Variants in MITF observed in about 807,000 individuals in gnomAD.
MITF encodes the protein microphthalmia-associated transcription factor.
A neutral mutation model predicts 60.5 loss-of-function variants in MITF; 17 were observed. The ratio of observed to expected loss-of-function variants is 0.28; its 90% CI spans 0.19 to 0.42. The LOEUF (loss-of-function observed/expected upper bound fraction) is 0.42. Among genes scored for constraint, MITF ranks in the 10% least tolerant of loss-of-function variants. The probability of loss-of-function intolerance (pLI) is 1.00; values close to 1 mark genes in which losing one functional copy is unlikely to be tolerated. For missense variants in MITF, 622 were observed against 683.5 expected (o/e 0.91, Z 1.00); for synonymous variants, 260 against 248.5 (o/e 1.05, Z -0.43).
chr3:69,791,437 T>TTAA (rs2062738501), intron 1 of MITF, among the ~76,000 whole-genome samples: 1 of 152,172 alleles, frequency 6.6e-6, no homozygotes, highest in East Asian at 1.9e-4. Flanking sequence ...TAGTACTGGA[T>TTAA]TAATAGTATG....
intron 1 of MITF, among the ~76,000 whole-genome samples, chr3:69,751,781 T>C (rs913849884): frequency 2.6e-5 from 4 of 152,164 alleles, no homozygotes; most frequent in African/African-American, 9.7e-5. Context: ...GGTTTGGATC[T>C]GTGTCTCTAC....
At chr3:69,846,179 A>G (rs2063730188) in intron 1 of MITF, among the ~76,000 whole-genome samples, 2 of 42,408 alleles carry the variant, frequency 4.7e-5, no homozygotes. Context: ...TGAGAGATCT[A>G]AATTAAATGA....
intron 1 of MITF, among the ~76,000 whole-genome samples, chr3:69,774,041 A>G (rs1477397957): frequency 6.6e-6 from 1 of 152,204 alleles, no homozygotes; most frequent in Non-Finnish European, 1.5e-5. Flanking sequence ...AAATGGTGTT[A>G]ATGGCAGAAA....
chr3:69,818,294 A>G (rs957181319), intron 1 of MITF, among the ~76,000 whole-genome samples: 3 of 152,054 alleles, frequency 2.0e-5, no homozygotes, highest in Non-Finnish European at 4.4e-5. Flanking sequence ...CTGTTATCCA[A>G]CTATACTAGA....
chr3:69,835,692 A>G (rs1266491056), intron 1 of MITF, among the ~76,000 whole-genome samples: 1 of 152,138 alleles, frequency 6.6e-6, no homozygotes, highest in African/African-American at 2.4e-5. Context: ...TCTTCCGCAT[A>G]TGAATATCTG....
At chr3:69,957,892 T>C (rs976951507) in intron 8 of MITF, among the ~76,000 whole-genome samples, 1 of 152,204 alleles carries the variant, frequency 6.6e-6, no homozygotes, top group Non-Finnish European at 1.5e-5. Context: ...ACACCAGGTT[T>C]CTAGAATGTG....
At chr3:69,762,965 A>G (rs146957027) in intron 1 of MITF, among the ~76,000 whole-genome samples, 2 of 152,294 alleles carry the variant, frequency 1.3e-5, no homozygotes, top group African/African-American at 4.8e-5. Flanking sequence ...CTTGCCAGCA[A>G]TCCTCAGTCG....
chr3:69,956,254 C>G (rs1269415219), intron 7 of MITF, among the ~76,000 whole-genome samples: 5 of 152,070 alleles, frequency 3.3e-5, no homozygotes, highest in Non-Finnish European at 1.5e-5. Flanking sequence ...TCGTCTGTAT[C>G]TAAGGGCTTT....
At chr3:69,829,337 C>G (rs9864805) in intron 1 of MITF, among the ~76,000 whole-genome samples, 3 of 151,854 alleles carry the variant, frequency 2.0e-5, no homozygotes, top group Non-Finnish European at 4.4e-5. Flanking sequence ...ATTCTATAGG[C>G]GTGAATTTTG....
intron 1 of MITF, chr3:69,838,619 G>T (rs562616980): frequency 6.6e-4 from 101 of 152,744 alleles, no homozygotes; most frequent in African/African-American, 2.3e-3. Flanking sequence ...CAGCCTATAG[G>T]ATGGCTTCCC....
At chr3:69,837,547 TC>T (rs1290495164) in intron 1 of MITF, among the ~76,000 whole-genome samples, 2 of 152,210 alleles carry the variant, frequency 1.3e-5, no homozygotes, top group Non-Finnish European at 2.9e-5. Flanking sequence ...AAATTTCCAA[TC>T]ATAAACATTT....
chr3:69,781,241 T>G (rs997871329), intron 1 of MITF, among the ~76,000 whole-genome samples: 1 of 152,212 alleles, frequency 6.6e-6, no homozygotes, highest in Admixed American at 6.5e-5. Flanking sequence ...GAGCATGTTC[T>G]TTTCAAATAC....
At chr3:69,816,719 G>A (rs902512850) in intron 1 of MITF, among the ~76,000 whole-genome samples, 10 of 152,194 alleles carry the variant, frequency 6.6e-5, no homozygotes, top group African/African-American at 2.2e-4. Flanking sequence ...AATTCATAGG[G>A]GTTTATGAGC....
rs529626569 is a variant in MITF at position 69,928,476 on chromosome 3, A to G, written c.355-9346A>G. Among the ~76,000 whole-genome samples the G allele has an allele frequency of 3.3e-5, 5 of 152,302 alleles. No homozygotes were observed. In the South Asian group the frequency reaches 1.0e-3, roughly 32 times the overall value. On this transcript the variant is annotated intron_variant, in intron 2 of 9. Coordinates refer to ENST00000352241, the MANE Select transcript of MITF (RefSeq NM_001354604.2). ...AAAGTCTTCAGGAATCAGACGGGTT[A>G]ATGAATAAAGTAGTCCAGTTGTCAG...
chr3:69,803,857 T>A (rs1377932462), intron 1 of MITF, among the ~76,000 whole-genome samples: 1 of 152,072 alleles, frequency 6.6e-6, no homozygotes, highest in South Asian at 2.1e-4. Flanking sequence ...CAAATTTTCC[T>A]GTAGTGAGGA....
chr3:69,853,836 A>T (rs2063867451), intron 1 of MITF, among the ~76,000 whole-genome samples: 1 of 147,392 alleles, frequency 6.8e-6, no homozygotes, highest in African/African-American at 2.5e-5. Context: ...TGTTAATATT[A>T]TTCCTCAGTT....
chr3:69,940,807 CAGTTT>C, intron 4 of MITF, among the ~76,000 whole-genome samples: 1 of 152,310 alleles, frequency 6.6e-6, no homozygotes, highest in East Asian at 1.9e-4. Context: ...TTAGGGCAGG[CAGTTT>C]AGCATAGTTG....
At chr3:69,853,603 T>C (rs1450588346) in intron 1 of MITF, among the ~76,000 whole-genome samples, 1 of 152,140 alleles carries the variant, frequency 6.6e-6, no homozygotes, top group African/African-American at 2.4e-5. Context: ...TCCTCTTTAC[T>C]CCCTACCTAG....
At chr3:69,774,779 G>A (rs756062456) in intron 1 of MITF, among the ~76,000 whole-genome samples, 4 of 152,102 alleles carry the variant, frequency 2.6e-5, no homozygotes, top group Admixed American at 6.6e-5. Context: ...TACCAGCACC[G>A]TGGCTCTCGG....
Sources: gnomAD v4.1 joint callset for allele counts (sites outside exome capture counted in the v4.1 genomes callset) on GRCh38, gnomAD v4.1.1 for gene constraint, MANE v1.5 for transcripts, NCBI Gene and HGNC (gene_info 2026-07-23, HGNC 2026-07-21) for gene names.